KCNQ1: variants seen among roughly 807,000 people sequenced by gnomAD.
KCNQ1 encodes the protein potassium voltage-gated channel subfamily Q member 1.
KCNQ1 carries 49 observed loss-of-function variants against 72.4 expected under a neutral mutation model. That is an observed-to-expected ratio of 0.68 (90% CI 0.54 to 0.86). The LOEUF is 0.86. KCNQ1 is among the 40% of genes least tolerant of loss of function. The pLI, the probability that KCNQ1 is intolerant of heterozygous loss-of-function variation, is 0.00. For synonymous variants in KCNQ1, 450 were observed against 412.6 expected (o/e 1.09, Z -1.10); for missense variants, 790 against 945.1 (o/e 0.84, Z 2.15).
chr11:2,771,210 TC>T (rs1846593583), intron 12 of KCNQ1: 1 of 152,344 alleles, frequency 6.6e-6, no homozygotes. Flanking sequence ...CCCTGATGGC[TC>T]CTGGGCAGGC....
chr11:2,809,007 G>A lies in KCNQ1; in HGVS notation c.1794+30970G>A, dbSNP rs537048352. 6.7e-6 allele frequency among the ~76,000 whole-genome samples: 1 copy of A among 149,868 alleles called. No homozygotes were observed. Among genetic ancestry groups the A allele is most frequent in the Non-Finnish European group, 1.5e-5 (1 of 67,498 alleles). On this transcript the variant is annotated intron_variant, in intron 15 of 15. Coordinates refer to ENST00000155840, the MANE Select transcript of KCNQ1 (RefSeq NM_000218.3). This position sits in a 1 kb window ranked among gnomAD's most constrained non-coding sequence, Gnocchi z 7.1. ...GAGATGGAGGGAGGGAGGGAAGGAGGGATGGATAAATGGAGGAATGGAGGA... is the reference window on the plus strand; with the variant it reads ...GAGATGGAGGGAGGGAGGGAAGGAGAGATGGATAAATGGAGGAATGGAGGA...
At position 2,592,540 on chromosome 11, in the gene KCNQ1, C is replaced by T. The variant is rs565994104; in HGVS notation, c.1393+3686C>T. Among the ~76,000 whole-genome samples, 1 of 152,340 alleles carries T rather than the reference C, an allele frequency of 6.6e-6. No individual in the cohort carries two copies. Among genetic ancestry groups the T allele is most frequent in the African/African-American group, 2.4e-5 (1 of 41,584 alleles). On this transcript the variant is annotated intron_variant, in intron 10 of 15. Transcript: ENST00000155840. The surrounding 1 kb of genome is among the most constrained non-coding windows in gnomAD (Gnocchi z 5.2). Reference sequence around the variant, plus strand: ...GAGGGGAATGTCAGCAGCCACCCAGCCCGAGAGCCAGAGCACAGCAGGGGC... The same window carrying T: ...GAGGGGAATGTCAGCAGCCACCCAGTCCGAGAGCCAGAGCACAGCAGGGGC...
intron 1 of KCNQ1, among the ~76,000 whole-genome samples, chr11:2,485,253 T>C (rs189856531): frequency 1.8e-3 from 279 of 152,198 alleles, no homozygotes; most frequent in South Asian, 5.0e-3. Context: ...TGGGGGTCTG[T>C]GTGAAGGGAA....
At position 2,462,736 on chromosome 11, in the gene KCNQ1, G is replaced by A. The variant is rs971752126; in HGVS notation, c.386+17252G>A. On this transcript the variant is annotated intron_variant, in intron 1 of 15. Coordinates refer to ENST00000155840, the MANE Select transcript of KCNQ1 (RefSeq NM_000218.3). The surrounding 1 kb of genome is among the most constrained non-coding windows in gnomAD (Gnocchi z 8.2). The stretch of plus-strand genomic sequence containing the variant: ...CGGTGGAGTGAAGGGGAGGGTGGGC[G>A]CTGCTGGCAAGAACCACAGGCAAAG... 4.6e-5 allele frequency among the ~76,000 whole-genome samples: 7 copies of A among 152,182 alleles called. No individual in the cohort carries two copies. Among genetic ancestry groups the A allele is most frequent in the South Asian group, 2.1e-4 (1 of 4,834 alleles).
chr11:2,705,278 G>A (rs778246272), intron 11 of KCNQ1, among the ~76,000 whole-genome samples: 2 of 152,178 alleles, frequency 1.3e-5, no homozygotes, highest in Non-Finnish European at 2.9e-5. Context: ...GAGTTCAGGC[G>A]GTCTCCATGA....
chr11:2,846,066 C>T (rs1332464882), intron 15 of KCNQ1, among the ~76,000 whole-genome samples: 2 of 152,140 alleles, frequency 1.3e-5, no homozygotes, highest in Non-Finnish European at 2.9e-5. Context: ...GGTTGTCTCA[C>T]CCGCACAGAA....
At chr11:2,522,380 C>T (rs992265107) in intron 1 of KCNQ1, among the ~76,000 whole-genome samples, 1 of 152,138 alleles carries the variant, frequency 6.6e-6, no homozygotes, top group Non-Finnish European at 1.5e-5. Context: ...CCTTAGTTTC[C>T]CGGCTCTGCA....
At chr11:2,701,549 GTT>G (rs1850815829) in intron 11 of KCNQ1, among the ~76,000 whole-genome samples, 1 of 152,212 alleles carries the variant, frequency 6.6e-6, no homozygotes, top group Non-Finnish European at 1.5e-5. Flanking sequence ...CAGACTCAGG[GTT>G]TCACGCTATA....
rs1460161223 is a variant in KCNQ1, at chr11:2,527,925, C to G, written c.387-3C>G. The stretch of plus-strand genomic sequence containing the variant: ...TGCTGACTGCCGTGTCCCTGTCTTG[C>G]AGCTTCCTCATCGTCCTGGTCTGCC... On this transcript the variant is annotated splice_polypyrimidine_tract_variant and splice_region_variant and intron_variant, in intron 1 of 15. Transcript: ENST00000155840. The G allele has an allele frequency of 6.2e-7, 1 of 1,613,792 alleles. No individual in the cohort carries two copies. Among genetic ancestry groups the G allele is most frequent in the Non-Finnish European group, 8.5e-7 (1 of 1,179,758 alleles).
intron 11 of KCNQ1, among the ~76,000 whole-genome samples, chr11:2,736,683 C>T (rs1391810333): frequency 6.6e-6 from 1 of 152,224 alleles, no homozygotes; most frequent in Admixed American, 6.5e-5. Context: ...TGTGATCTTC[C>T]GCCACTGACA....
chr11:2,583,639 G>C (rs542432897), intron 7 of KCNQ1, 94 bp downstream of exon 7: 4 of 859,452 alleles, frequency 4.7e-6, no homozygotes, highest in African/African-American at 3.3e-5. Context: ...ACCCACTTAC[G>C]TTCAGAACCA....
intron 2 of KCNQ1, among the ~76,000 whole-genome samples, chr11:2,554,253 A>C (rs1461584783): frequency 6.6e-6 from 1 of 152,230 alleles, no homozygotes; most frequent in African/African-American, 2.4e-5. Context: ...TGATAGCTAG[A>C]ACATGTGGAG....
Position 2,732,204 on chromosome 11 carries a change from T to G in KCNQ1, c.1515-36640T>G, listed in dbSNP as rs190561068. On this transcript the variant is annotated intron_variant, in intron 11 of 15. Transcript: ENST00000155840. ...CCTTCTGTTTGGTGGGTGAGGACGA[T>G]GCTTGGTCTTGCCTCAGGAGCATTG... is the stretch of plus-strand genomic sequence containing the variant. Among the ~76,000 whole-genome samples the G allele has an allele frequency of 4.6e-5, 7 of 152,388 alleles. No individual in the cohort carries two copies. In the East Asian group the frequency reaches 7.7e-4, roughly 17 times the overall value.
At chr11:2,770,492 G>A (rs2133982996) in intron 12 of KCNQ1, among the ~76,000 whole-genome samples, 2 of 152,358 alleles carry the variant, frequency 1.3e-5, no homozygotes, top group Admixed American at 1.3e-4. Flanking sequence ...TGGCCACCGG[G>A]CCACCATCTC....
In KCNQ1 at chr11:2,671,543, C is replaced by G. The variant is rs1394999361; in HGVS notation, c.1514+9462C>G. Reference sequence around the variant, plus strand: ...TTTTCAAAGGTTAATTTTGACTCTGCCTGACTTATCTCCTAAGTCTTTGGC... The same window carrying G: ...TTTTCAAAGGTTAATTTTGACTCTGGCTGACTTATCTCCTAAGTCTTTGGC... On this transcript the variant is annotated intron_variant, in intron 11 of 15. Transcript: ENST00000155840. This position sits in a 1 kb window ranked among gnomAD's most constrained non-coding sequence, Gnocchi z 4.7. 1 of 398,504 alleles carries G rather than the reference C, an allele frequency of 2.5e-6. No individual in the cohort carries two copies. Among genetic ancestry groups the G allele is most frequent in the Non-Finnish European group, 4.4e-6 (1 of 226,082 alleles). The allele number at this position is 398,504 out of a possible 1,614,324, so 24.7% of individuals were successfully genotyped here.
chr11:2,571,512 T>C, intron 4 of KCNQ1, 109 bp downstream of exon 4: 1 of 894,922 alleles, frequency 1.1e-6, no homozygotes, highest in African/African-American at 1.6e-5. Flanking sequence ...GCAAGGTGCC[T>C]TGGTGCCCAC....
intron 10 of KCNQ1, chr11:2,615,988 G>C (rs1849056849): frequency 2.5e-6 from 1 of 397,932 alleles, no homozygotes; most frequent in East Asian, 3.6e-5. Context: ...CATCTGTGTA[G>C]CATTTTCTTC....
intron 1 of KCNQ1, among the ~76,000 whole-genome samples, chr11:2,449,715 C>T (rs1354299472): frequency 6.6e-6 from 1 of 152,174 alleles, no homozygotes; most frequent in East Asian, 1.9e-4. Context: ...GTCAGAGTGA[C>T]AGGGGTTGCC....
rs187653920 is a variant in KCNQ1, at chr11:2,450,769, T to A, written c.386+5285T>A. On this transcript the variant is annotated intron_variant, in intron 1 of 15. Coordinates refer to ENST00000155840, the MANE Select transcript of KCNQ1 (RefSeq NM_000218.3). This position sits in a 1 kb window ranked among gnomAD's most constrained non-coding sequence, Gnocchi z 7.9. The stretch of plus-strand genomic sequence containing the variant: ...GGGAGGCGGCTGGTGTCTCTGGTAC[T>A]GGCTGGGTGACCACAGGGATGCCGC... Among the ~76,000 whole-genome samples, 201 of 152,286 alleles carry A rather than the reference T, an allele frequency of 1.3e-3. No individual in the cohort carries two copies. The highest frequency in any genetic ancestry group is 3.7e-3 in the African/African-American group (153 of 41,556).
Sources: allele counts gnomAD v4.1 joint callset (sites outside exome capture counted in the v4.1 genomes callset), GRCh38; gene constraint gnomAD v4.1.1; non-coding constraint Gnocchi (gnomAD v3.1); transcripts MANE v1.5; gene names NCBI Gene and HGNC (gene_info 2026-07-23, HGNC 2026-07-21).